KMO: variants seen among roughly 807,000 people sequenced by gnomAD.
KMO encodes the protein kynurenine 3-monooxygenase, also known as kynurenine 3-hydroxylase.
Under a neutral mutation model 57.8 loss-of-function variants are expected in KMO, and 24 were observed. The ratio of observed to expected loss-of-function variants is 0.42; its 90% CI spans 0.30 to 0.58. The LOEUF (loss-of-function observed/expected upper bound fraction) is 0.58. Among genes scored for constraint, KMO ranks in the 20% least tolerant of loss-of-function variants. KMO has a pLI of 0.22. For synonymous variants in KMO, 210 were observed against 193.6 expected (o/e 1.08, Z -0.70); for missense variants, 483 against 588.2 (o/e 0.82, Z 1.85).
intron 14 of KMO, among the ~76,000 whole-genome samples, chr1:241,590,949 G>T (rs773772353): frequency 3.3e-5 from 5 of 152,178 alleles, no homozygotes; most frequent in Non-Finnish European, 5.9e-5. Flanking sequence ...GAGCTGGAAG[G>T]CAGCACAGTG....
chr1:241,547,391 A>C (rs1661189833), intron 1 of KMO, among the ~76,000 whole-genome samples: 1 of 152,052 alleles, frequency 6.6e-6, no homozygotes, highest in African/African-American at 2.4e-5. Flanking sequence ...AATGACAAAG[A>C]CTCTATATTC....
In KMO at chr1:241,549,266, A is replaced by AAAGGAAGG. The variant is rs1553346368; in HGVS notation, c.124+372_124+379dup. ...GAAAGAAAGAAAGAAAGAAAGAAAG[A>AAAGGAAGG]AAGGAAGGAAGAAAGAAAGAAAGGA... On this transcript the variant is annotated intron_variant, in intron 2 of 14. Coordinates refer to ENST00000366559, the MANE Select transcript of KMO (RefSeq NM_003679.5). Among the ~76,000 whole-genome samples the AAAGGAAGG allele has an allele frequency of 2.9e-4, 34 of 117,640 alleles. 1 individual carries two copies. Among genetic ancestry groups the AAAGGAAGG allele is most frequent in the African/African-American group, 1.1e-3 (34 of 30,394 alleles). The allele number at this position is 117,640 out of a possible 152,430, so 77.2% of individuals were successfully genotyped here.
At chr1:241,541,817 A>ACTAT (rs1660968337) in intron 1 of KMO, among the ~76,000 whole-genome samples, 1 of 152,192 alleles carries the variant, frequency 6.6e-6, no homozygotes, top group African/African-American at 2.4e-5. Flanking sequence ...CCAAAGATCA[A>ACTAT]AATCTTGAGA....
chr1:241,535,578 TA>T (rs892038015), intron 1 of KMO, among the ~76,000 whole-genome samples: 1 of 151,982 alleles, frequency 6.6e-6, no homozygotes, highest in Non-Finnish European at 1.5e-5. Context: ...AACAAACCAG[TA>T]AAAAAACTCC....
chr1:241,546,620 G>A (rs966604991), intron 1 of KMO, among the ~76,000 whole-genome samples: 1 of 152,148 alleles, frequency 6.6e-6, no homozygotes, highest in Non-Finnish European at 1.5e-5. Flanking sequence ...GAGTATCAAG[G>A]AGAGACGGTG....
intron 10 of KMO, among the ~76,000 whole-genome samples, chr1:241,584,129 A>G (rs1160124864): frequency 6.8e-6 from 1 of 147,686 alleles, no homozygotes; most frequent in Non-Finnish European, 1.5e-5. Flanking sequence ...TCCCTCCCCC[A>G]TCCCCCAACC....
rs1661291110 is a variant in KMO at position 241,549,253 on chromosome 1, GAAAGA to G, written c.124+358_124+362del. On this transcript the variant is annotated intron_variant, in intron 2 of 14. Coordinates refer to ENST00000366559, the MANE Select transcript of KMO (RefSeq NM_003679.5). ...AGAAAGAAAGAAAGAAAGAAAGAAA[GAAAGA>G]AAGAAAGAAAGGAAGGAAGAAAGAA... Among the ~76,000 whole-genome samples the G allele has an allele frequency of 2.6e-3, 4 of 1,516 alleles. 1 individual carries two copies. Among genetic ancestry groups the G allele is most frequent in the African/African-American group, 2.9e-3 (4 of 1,398 alleles). The allele number at this position is 1,516 out of a possible 152,430, so 1.0% of individuals were successfully genotyped here. A position where few individuals can be genotyped will look rare whatever the true frequency, so the allele number is the denominator to read the frequency against.
At chr1:241,566,376 A>G in intron 8 of KMO, 115 bp from the exon 9 acceptor site, 2 of 1,162,632 alleles carry the variant, frequency 1.7e-6, no homozygotes, top group Middle Eastern at 2.0e-4. Context: ...CTGCTTGGAC[A>G]TTCCTTCCAA....
At chr1:241,536,491 A>C (rs1258651078) in intron 1 of KMO, 1 of 985,362 alleles carries the variant, frequency 1.0e-6, no homozygotes, top group Non-Finnish European at 1.2e-6. Context: ...AAGTGATCAG[A>C]GCAAAAAGGC....
intron 7 of KMO, among the ~76,000 whole-genome samples, chr1:241,564,653 A>G (rs933379774): frequency 6.6e-6 from 1 of 152,090 alleles, no homozygotes; most frequent in Admixed American, 6.6e-5. Flanking sequence ...ATGTGTGTGT[A>G]CATATATACC....
chr1:241,585,046 T>C (rs888914538), intron 10 of KMO, among the ~76,000 whole-genome samples: 11 of 151,856 alleles, frequency 7.2e-5, no homozygotes, highest in Non-Finnish European at 7.4e-5. Context: ...GTCAACATGG[T>C]GAAACCCCGT....
chr1:241,564,721 C>CT (rs1662010813), intron 7 of KMO, among the ~76,000 whole-genome samples: 1 of 152,018 alleles, frequency 6.6e-6, no homozygotes, highest in South Asian at 2.1e-4. Flanking sequence ...TTCTCTCTGT[C>CT]TTTTTCCTTA....
At chr1:241,555,221 A>G (rs1661568424) in intron 4 of KMO, among the ~76,000 whole-genome samples, 1 of 152,204 alleles carries the variant, frequency 6.6e-6, no homozygotes, top group South Asian at 2.1e-4. Flanking sequence ...TTCAGGAAAT[A>G]GCACTTTGAT....
chr1:241,560,638 T>G, intron 5 of KMO, 27 bp from the exon 6 acceptor site: 1 of 1,485,126 alleles, frequency 6.7e-7, no homozygotes, highest in East Asian at 2.3e-5. Context: ...ATTTCATTTC[T>G]GTTTGCCTCT....
At chr1:241,535,270 C>T (rs1436836658) in intron 1 of KMO, among the ~76,000 whole-genome samples, 1 of 151,840 alleles carries the variant, frequency 6.6e-6, no homozygotes, top group Non-Finnish European at 1.5e-5. Context: ...TTCCACCCTC[C>T]CTTCCTACCT....
chr1:241,594,533 A>C lies in KMO; in HGVS notation c.*2380A>C. On this transcript the variant is annotated 3_prime_UTR_variant, in exon 15 of 15. Transcript: ENST00000366559. Reference sequence around the variant, plus strand: ...TGGTGATGATAAAAATGATGGAAGAAGAGTTGAAAGTCACTTTTTTCTTTG... The same window carrying C: ...TGGTGATGATAAAAATGATGGAAGACGAGTTGAAAGTCACTTTTTTCTTTG... The C allele has an allele frequency of 6.2e-7, 1 of 1,614,136 alleles. No homozygotes were observed. Among genetic ancestry groups the C allele is most frequent in the Non-Finnish European group, 8.5e-7 (1 of 1,180,006 alleles).
intron 5 of KMO, among the ~76,000 whole-genome samples, chr1:241,557,180 T>C (rs1661667487): frequency 6.6e-6 from 1 of 152,162 alleles, no homozygotes; most frequent in Non-Finnish European, 1.5e-5. Context: ...AGCCTACGTG[T>C]TCATGGAAAA....
intron 11 of KMO, among the ~76,000 whole-genome samples, chr1:241,587,723 C>T (rs1046882803): frequency 1.3e-5 from 2 of 151,752 alleles, no homozygotes; most frequent in Admixed American, 6.6e-5. Context: ...GGATTATAGG[C>T]GTGAGCCACC....
intron 1 of KMO, among the ~76,000 whole-genome samples, chr1:241,548,394 T>TATG (rs1333466427): frequency 1.3e-5 from 2 of 152,188 alleles, no homozygotes; most frequent in Non-Finnish European, 1.5e-5. Context: ...TGTTTACGTC[T>TATG]ATGTGAGAGG....
Sources: gnomAD v4.1 joint callset for allele counts (sites outside exome capture counted in the v4.1 genomes callset) on GRCh38, gnomAD v4.1.1 for gene constraint, MANE v1.5 for transcripts, NCBI Gene and HGNC (gene_info 2026-07-23, HGNC 2026-07-21) for gene names.